The following NAF1 variants were observed in gnomAD, a reference collection of about 807,000 sequenced individuals.
NAF1 encodes H/ACA ribonucleoprotein complex non-core subunit NAF1.
Under a neutral mutation model 40.6 loss-of-function variants are expected in NAF1, and 11 were observed. The observed-to-expected ratio is 0.27, with a 90% CI of 0.17 to 0.45. The LOEUF (loss-of-function observed/expected upper bound fraction) is 0.45. NAF1 is among the 20% of genes least tolerant of loss of function. NAF1 has a pLI of 1.00. For missense variants in NAF1, 607 were observed against 611.1 expected (o/e 0.99, Z 0.07); for synonymous variants, 260 against 228.5 (o/e 1.14, Z -1.24).
In NAF1 at chr4:163,166,832, G is replaced by C; in HGVS notation, c.-105C>G. 6.9e-7 allele frequency: 1 copy of C among 1,448,320 alleles called. No homozygotes were observed. The highest frequency in any genetic ancestry group is 9.2e-7 in the Non-Finnish European group (1 of 1,087,222). 89.7% of individuals were successfully genotyped at this position (1,448,320 alleles called of 1,614,324 possible). A position where few individuals can be genotyped will look rare whatever the true frequency, so the allele number is the denominator to read the frequency against. On this transcript the variant is annotated 5_prime_UTR_variant, in exon 1 of 8. Coordinates refer to ENST00000274054, the MANE Select transcript of NAF1 (RefSeq NM_138386.3). ...CAACTTAGGCAACCGCAGCAACACTGCCTGGGCCCAACTTCCCGCGTTTCT... is the reference window on the plus strand; with the variant it reads ...CAACTTAGGCAACCGCAGCAACACTCCCTGGGCCCAACTTCCCGCGTTTCT...
chr4:163,125,640 T>G (rs776856104), downstream of NAF1, among the ~76,000 whole-genome samples: 6 of 152,180 alleles, frequency 3.9e-5, no homozygotes, highest in Admixed American at 6.5e-5. Context: ...GCCATCTCCA[T>G]AACATAAAAG....
chr4:163,104,507 T>A, the NAF1 span, among the ~76,000 whole-genome samples: 4 of 152,252 alleles, frequency 2.6e-5, no homozygotes, highest in Admixed American at 2.6e-4. Flanking sequence ...TTCATACCTA[T>A]GATCTCATTT....
At chr4:163,106,925 A>G (rs1216445179), downstream of NAF1, among the ~76,000 whole-genome samples, 1 of 152,206 alleles carries the variant, frequency 6.6e-6, no homozygotes, top group African/African-American at 2.4e-5. Flanking sequence ...TTTTCAAAGA[A>G]TGATACATTT....
chr4:163,113,570 C>T (rs1192846593), intron 2 of NAF1, among the ~76,000 whole-genome samples: 1 of 150,232 alleles, frequency 6.7e-6, no homozygotes, highest in East Asian at 2.0e-4. Flanking sequence ...GCTTGGTTTT[C>T]AGAAATTTTA....
At chr4:163,113,671 G>C (rs1370078271) in intron 2 of NAF1, among the ~76,000 whole-genome samples, 1 of 152,156 alleles carries the variant, frequency 6.6e-6, no homozygotes, top group African/African-American at 2.4e-5. Context: ...TTGTGGATTA[G>C]GATTTAAAGC....
chr4:163,150,311 A>G (rs1335913651), intron 2 of NAF1, among the ~76,000 whole-genome samples: 2 of 152,176 alleles, frequency 1.3e-5, no homozygotes, highest in Non-Finnish European at 2.9e-5. Flanking sequence ...ATGGAAGGAT[A>G]CAAAGTAAAA....
At chr4:163,143,666 C>T (rs1375696462) in intron 4 of NAF1, among the ~76,000 whole-genome samples, 2 of 152,128 alleles carry the variant, frequency 1.3e-5, no homozygotes, top group Non-Finnish European at 2.9e-5. Flanking sequence ...CAAGGATCTC[C>T]AGGCCTAGGA....
At chr4:163,119,319 GC>G (rs1187486491) in intron 2 of NAF1, 2 of 152,224 alleles carry the variant, frequency 1.3e-5, no homozygotes, top group South Asian at 2.1e-4. Flanking sequence ...TGAATATAGT[GC>G]CCCTTCTTTT....
chr4:163,133,443 T>C (rs1223042609), intron 6 of NAF1, 187 bp from the exon 7 acceptor site: 11 of 528,528 alleles, frequency 2.1e-5, no homozygotes, highest in Non-Finnish European at 3.3e-5. Flanking sequence ...TTTTGATAAA[T>C]GCTTAATGAC....
chr4:163,162,244 G>A (rs1280380406), intron 2 of NAF1, among the ~76,000 whole-genome samples: 1 of 152,136 alleles, frequency 6.6e-6, no homozygotes, highest in East Asian at 1.9e-4. Context: ...ACTATCCTTA[G>A]TACTCAGGAC....
downstream of NAF1, among the ~76,000 whole-genome samples, chr4:163,128,098 A>G (rs1730721647): frequency 1.3e-5 from 2 of 152,228 alleles, no homozygotes; most frequent in African/African-American, 4.8e-5. Flanking sequence ...AGCAGTAGTC[A>G]TTACTCATTT....
intron 2 of NAF1, among the ~76,000 whole-genome samples, chr4:163,153,830 C>T (rs1409516591): frequency 5.3e-5 from 8 of 152,066 alleles, no homozygotes; most frequent in Non-Finnish European, 7.4e-5. Context: ...CCTTCCACAC[C>T]GTGGAAGCTT....
At chr4:163,141,784 G>C (rs1731272036) in intron 4 of NAF1, 1 of 207,328 alleles carries the variant, frequency 4.8e-6, no homozygotes, top group Non-Finnish European at 8.4e-6. Flanking sequence ...AAATAGCTTG[G>C]ACCAATTTAT....
intron 7 of NAF1, among the ~76,000 whole-genome samples, chr4:163,132,877 T>C (rs1408503620): frequency 3.3e-5 from 5 of 152,228 alleles, no homozygotes; most frequent in Admixed American, 6.5e-5. Context: ...TACTTGATCA[T>C]AAAATCCTAA....
At chr4:163,150,997 AAAG>A (rs1368589521) in intron 2 of NAF1, among the ~76,000 whole-genome samples, 8 of 152,130 alleles carry the variant, frequency 5.3e-5, no homozygotes, top group Non-Finnish European at 1.2e-4. Context: ...CTTCATTCAT[AAAG>A]AAGAGTGAAC....
At chr4:163,104,731 G>A in the NAF1 span, among the ~76,000 whole-genome samples, 24 of 152,352 alleles carry the variant, frequency 1.6e-4, no homozygotes, top group African/African-American at 5.8e-4. Context: ...TACTTTCTGA[G>A]TAACAGCAGA....
chr4:163,115,256 T>C (rs932294219), intron 2 of NAF1, among the ~76,000 whole-genome samples: 16 of 139,712 alleles, frequency 1.1e-4, no homozygotes, highest in African/African-American at 3.6e-4. Flanking sequence ...TCGCCCAGGC[T>C]GGAGTGCAGT....
At chr4:163,157,776 G>A (rs571177873) in intron 2 of NAF1, among the ~76,000 whole-genome samples, 14 of 152,154 alleles carry the variant, frequency 9.2e-5, no homozygotes, top group African/African-American at 3.4e-4. Flanking sequence ...ATATTCAAAA[G>A]AGTACCACAT....
chr4:163,133,339 G>T, intron 6 of NAF1, 83 bp from the exon 7 acceptor site: 2 of 981,068 alleles, frequency 2.0e-6, no homozygotes, highest in South Asian at 1.6e-5. Context: ...AAGAAAATAA[G>T]CCTATTATGC....
Sources: gnomAD v4.1 joint callset for allele counts (sites outside exome capture counted in the v4.1 genomes callset) on GRCh38, gnomAD v4.1.1 for gene constraint, MANE v1.5 for transcripts, NCBI Gene and HGNC (gene_info 2026-07-23, HGNC 2026-07-21) for gene names.